TINAG: variants seen among roughly 807,000 people sequenced by gnomAD.
TINAG encodes tubulointerstitial nephritis antigen.
In TINAG, 83 loss-of-function variants were observed where a neutral mutation model predicts 72.7. That is an observed-to-expected ratio of 1.14 (90% CI 0.96 to 1.37). The LOEUF is 1.37. TINAG is among the 40% of genes most tolerant of loss of function. The probability of loss-of-function intolerance (pLI) is 0.00; values close to 1 mark genes in which losing one functional copy is unlikely to be tolerated. For missense variants in TINAG, 685 were observed against 576.6 expected, an observed-to-expected ratio of 1.19 and a Z score of -1.93; for synonymous variants, 234 against 189.9, an observed-to-expected ratio of 1.23 and a Z score of -1.91.
intron 9 of TINAG, among the ~76,000 whole-genome samples, chr6:54,376,374 TG>T (rs1303830811): frequency 6.6e-6 from 1 of 152,106 alleles, no homozygotes; most frequent in African/African-American, 2.4e-5. Flanking sequence ...AACTAACAGG[TG>T]TAGTATACAA....
Position 54,308,882 on chromosome 6 carries a change from A to C in TINAG, c.332A>C (p.His111Pro), listed in dbSNP as rs777559019. The part of the protein sequence containing the change: ...FCREEKEWPP[H>P]TQPWYPEGCF... Reference sequence around the variant, plus strand: ...CGTGAAGAGAAAGAATGGCCTCCTCACACACAGCCTTGGTATCCAGAAGGT... The same window carrying C: ...CGTGAAGAGAAAGAATGGCCTCCTCCCACACAGCCTTGGTATCCAGAAGGT... Residue 111 changes from histidine (H) to proline (P), a missense_variant, in exon 1 of 11, where the codon CAC becomes CCC. Transcript: ENST00000259782. The C allele has an allele frequency of 1.2e-6, 2 of 1,611,976 alleles. No individual in the cohort carries two copies. The highest frequency in any genetic ancestry group is 1.3e-5 in the African/African-American group (1 of 74,872).
chr6:54,321,149 A>G (rs558050630), intron 2 of TINAG, 148 bp from the exon 3 acceptor site: 86 of 688,918 alleles, frequency 1.2e-4, no homozygotes, highest in Non-Finnish European at 2.1e-4. Flanking sequence ...ATGTTTTACA[A>G]TTTATTTTTG....
At chr6:54,323,331 A>C (rs1212980647) in intron 3 of TINAG, among the ~76,000 whole-genome samples, 1 of 152,214 alleles carries the variant, frequency 6.6e-6, no homozygotes, top group Non-Finnish European at 1.5e-5. Context: ...ACCAGGGCAA[A>C]AAAGGGGGGA....
At chr6:54,374,159 T>C (rs1446500588) in intron 9 of TINAG, among the ~76,000 whole-genome samples, 1 of 152,142 alleles carries the variant, frequency 6.6e-6, no homozygotes, top group Non-Finnish European at 1.5e-5. Flanking sequence ...TGCTTCCTGA[T>C]ACATCAGGAT....
chr6:54,360,843 T>TG lies in TINAG; in HGVS notation c.1250+6207_1250+6208insG, dbSNP rs1763208858. 1.4e-4 allele frequency among the ~76,000 whole-genome samples: 8 copies of TG among 56,478 alleles called. No homozygotes were observed. The South Asian group carries it at 4.7e-3, about 33-fold the overall frequency. 37.1% of individuals were successfully genotyped at this position (56,478 alleles called of 152,430 possible). ...TTCTTGTGTTTCACAGATACTGTGT[T>TG]TTTTTTTTTTTTTTTTTTTTTTTTT... On this transcript the variant is annotated intron_variant, in intron 9 of 10. Transcript: ENST00000259782.
intron 9 of TINAG, among the ~76,000 whole-genome samples, chr6:54,364,185 G>T (rs1292086884): frequency 6.6e-6 from 1 of 151,406 alleles, no homozygotes. Flanking sequence ...GGATCATTAG[G>T]CATTGGTAAT....
chr6:54,336,296 C>T lies in TINAG; in HGVS notation c.625-6930C>T, dbSNP rs1489435109. Among the ~76,000 whole-genome samples the T allele has an allele frequency of 2.0e-5, 3 of 152,022 alleles. No homozygotes were observed. In the East Asian group the frequency reaches 5.8e-4, roughly 29 times the overall value. On this transcript the variant is annotated intron_variant, in intron 4 of 10. Coordinates refer to ENST00000259782, the MANE Select transcript of TINAG (RefSeq NM_014464.4). ...GGTGTTCTTTCTCCCTTGTATTGACCTTGGGAGAATAGCAGGGTTTTGAGG... is the reference window on the plus strand; with the variant it reads ...GGTGTTCTTTCTCCCTTGTATTGACTTTGGGAGAATAGCAGGGTTTTGAGG...
At chr6:54,332,940 T>C (rs552436887) in intron 4 of TINAG, among the ~76,000 whole-genome samples, 1 of 152,280 alleles carries the variant, frequency 6.6e-6, no homozygotes, top group African/African-American at 2.4e-5. Context: ...CCAGTTAGAA[T>C]GGCAATCATT....
intron 9 of TINAG, among the ~76,000 whole-genome samples, chr6:54,369,093 G>T (rs2150973578): frequency 6.6e-6 from 1 of 151,932 alleles, no homozygotes; most frequent in South Asian, 2.1e-4. Flanking sequence ...AGTAGCCCTA[G>T]AATTCAAGAG....
At position 54,371,981 on chromosome 6, in the gene TINAG, G is replaced by GTTTTTTTT. The variant is rs576340253; in HGVS notation, c.1251-8525_1251-8518dup. On this transcript the variant is annotated intron_variant, in intron 9 of 10. Coordinates refer to ENST00000259782, the MANE Select transcript of TINAG (RefSeq NM_014464.4). Reference sequence around the variant, plus strand: ...GTTTATAAAATGGCTTTCAAGTCATGTTTTTTTTTTTTTTTTTTTTTTTTT... The same window carrying GTTTTTTTT: ...GTTTATAAAATGGCTTTCAAGTCATGTTTTTTTTTTTTTTTTTTTTTTTTTTTTTTTTT... 4.5e-4 allele frequency among the ~76,000 whole-genome samples: 32 copies of GTTTTTTTT among 71,430 alleles called. 4 individuals carry two copies. Among genetic ancestry groups the GTTTTTTTT allele is most frequent in the Non-Finnish European group, 6.9e-4 (26 of 37,754 alleles). The allele number at this position is 71,430 out of a possible 152,430, so 46.9% of individuals were successfully genotyped here.
In TINAG at chr6:54,347,351, A is replaced by G. The variant is rs766416295; in HGVS notation, c.749-16A>G. On this transcript the variant is annotated splice_polypyrimidine_tract_variant and intron_variant, in intron 5 of 10. Transcript: ENST00000259782. ...GTGTATCATTTCAATATTAATTGAT[A>G]TTCTATTTGAAACAGGTGTGGCTGC... 27 of 1,610,922 alleles carry G rather than the reference A, an allele frequency of 1.7e-5. No homozygotes were observed. Among genetic ancestry groups the G allele is most frequent in the Non-Finnish European group, 2.2e-5 (26 of 1,178,480 alleles).
rs1273592081 is a variant in TINAG at position 54,320,588 on chromosome 6, A to G, written c.365A>G (p.Lys122Arg). Residue 122 changes from lysine to arginine, a missense_variant, in exon 2 of 11, where the codon AAA becomes AGA. Transcript: ENST00000259782. ...CATGTTACTTTGACAGGTTGCTTCA[A>G]AGATGGTCAACATTATGAAGAGGGA... ...TQPWYPEGCF[K>R]DGQHYEEGSV... 6.2e-7 allele frequency: 1 copy of G among 1,600,814 alleles called. No individual in the cohort carries two copies.
intron 10 of TINAG, among the ~76,000 whole-genome samples, chr6:54,389,465 A>G (rs1296056616): frequency 1.3e-5 from 2 of 152,200 alleles, no homozygotes; most frequent in Non-Finnish European, 2.9e-5. Context: ...CACCTAGCAC[A>G]GGCTGTTGTT....
At chr6:54,377,688 A>G (rs925477083) in intron 9 of TINAG, among the ~76,000 whole-genome samples, 1 of 152,144 alleles carries the variant, frequency 6.6e-6, no homozygotes, top group Non-Finnish European at 1.5e-5. Flanking sequence ...ATCCTCAGAG[A>G]CAGTCACTGA....
At chr6:54,384,189 A>G (rs1032511084) in intron 10 of TINAG, among the ~76,000 whole-genome samples, 1 of 152,020 alleles carries the variant, frequency 6.6e-6, no homozygotes, top group African/African-American at 2.4e-5. Flanking sequence ...AACATCACAC[A>G]CTGGGGCCTG....
intron 5 of TINAG, 149 bp downstream of exon 5, chr6:54,343,498 G>A: frequency 1.2e-6 from 1 of 859,824 alleles, no homozygotes; most frequent in Non-Finnish European, 1.5e-6. Flanking sequence ...AAAGTAACCT[G>A]AAGATTATAT....
chr6:54,365,550 C>G (rs894337138), intron 9 of TINAG: 5 of 151,466 alleles, frequency 3.3e-5, no homozygotes, highest in Admixed American at 6.6e-5. Context: ...CATAAGGAAG[C>G]CTTCTTAAAT....
At chr6:54,337,023 TA>T (rs1333176342) in intron 4 of TINAG, among the ~76,000 whole-genome samples, 1 of 151,926 alleles carries the variant, frequency 6.6e-6, no homozygotes, top group Non-Finnish European at 1.5e-5. Flanking sequence ...TATTTTATAA[TA>T]AAAAATCTTT....
intron 5 of TINAG, among the ~76,000 whole-genome samples, chr6:54,345,507 A>G (rs1179496840): frequency 2.6e-5 from 4 of 152,126 alleles, no homozygotes; most frequent in Non-Finnish European, 2.9e-5. Context: ...CAACTTCTGG[A>G]TTACTGTTTT....
Sources: allele counts gnomAD v4.1 joint callset (sites outside exome capture counted in the v4.1 genomes callset), GRCh38; gene constraint gnomAD v4.1.1; transcripts MANE v1.5; gene names NCBI Gene and HGNC (gene_info 2026-07-23, HGNC 2026-07-21).